The following FBXW8 variants were observed in gnomAD, a reference collection of about 807,000 sequenced individuals.
FBXW8 encodes the protein F-box/WD repeat-containing protein 8.
A neutral mutation model predicts 65.3 loss-of-function variants in FBXW8; 57 were observed. That is an observed-to-expected ratio of 0.87 (90% CI 0.71 to 1.09). The LOEUF (loss-of-function observed/expected upper bound fraction) is 1.09. FBXW8 is among the 50% of genes least tolerant of loss of function. The probability of loss-of-function intolerance (pLI) is 0.00; values close to 1 mark genes in which losing one functional copy is unlikely to be tolerated. For synonymous variants in FBXW8, 308 were observed against 330.2 expected, an observed-to-expected ratio of 0.93 and a Z score of 0.73; for missense variants, 777 against 814.8, an observed-to-expected ratio of 0.95 and a Z score of 0.57.
chr12:116,949,564 CT>C, intron 3 of FBXW8, 53 bp from the exon 4 acceptor site: 1 of 1,534,734 alleles, frequency 6.5e-7, no homozygotes, highest in Non-Finnish European at 9.0e-7. Context: ...CGATGCTTGG[CT>C]TTCGGGCTGT....
In FBXW8 at chr12:116,949,650, T is replaced by C. The variant is rs1273508037; in HGVS notation, c.621T>C (p.His207=). 6.2e-7 allele frequency: 1 copy of C among 1,614,214 alleles called. No individual in the cohort carries two copies. Among genetic ancestry groups the C allele is most frequent in the Non-Finnish European group, 8.5e-7 (1 of 1,180,040 alleles). ...AAGGTGCCGTGAGCGAGCTGGAGCA[T>C]GTTCCTGACACAGTTTTGTGTGATG... ...NRKGAVSELE[H]VPDTVLCDVH... The change falls in exon 4 of 11, where the codon CAT becomes CAC. Residue 207 remains histidine, a synonymous_variant. Coordinates refer to ENST00000652555, the MANE Select transcript of FBXW8 (RefSeq NM_153348.3).
At chr12:116,973,014 G>C (rs762161836) in intron 5 of FBXW8, among the ~76,000 whole-genome samples, 1 of 152,166 alleles carries the variant, frequency 6.6e-6, no homozygotes, top group Non-Finnish European at 1.5e-5. Flanking sequence ...AGTGCTTGAA[G>C]AATGATGACA....
intron 8 of FBXW8, among the ~76,000 whole-genome samples, chr12:117,023,191 CAG>C (rs1954141894): frequency 6.6e-6 from 1 of 152,178 alleles, no homozygotes; most frequent in African/African-American, 2.4e-5. Context: ...TAACTAGAGT[CAG>C]GGCACGGGAC....
intron 1 of FBXW8, among the ~76,000 whole-genome samples, chr12:116,919,421 G>A (rs909882907): frequency 6.6e-6 from 1 of 152,168 alleles, no homozygotes; most frequent in Non-Finnish European, 1.5e-5. Flanking sequence ...TGATGATGAT[G>A]TTAGTACCTA....
intron 6 of FBXW8, 129 bp downstream of exon 6, chr12:116,985,531 T>C (rs1885619500): frequency 2.4e-6 from 2 of 850,148 alleles, no homozygotes; most frequent in African/African-American, 1.7e-5. Context: ...TCCATAAGTC[T>C]AACTACAGCC....
intron 2 of FBXW8, among the ~76,000 whole-genome samples, chr12:116,941,465 G>T (rs1038846563): frequency 1.3e-5 from 2 of 152,226 alleles, no homozygotes; most frequent in African/African-American, 4.8e-5. Context: ...GAGGTGATGT[G>T]ACTGCTTATC....
intron 4 of FBXW8, among the ~76,000 whole-genome samples, chr12:116,957,392 C>G (rs1229013548): frequency 1.3e-5 from 2 of 152,042 alleles, no homozygotes; most frequent in African/African-American, 4.8e-5. Flanking sequence ...GTATACCATG[C>G]CAAAATATGA....
intron 2 of FBXW8, among the ~76,000 whole-genome samples, chr12:116,938,706 T>C (rs1882337643): frequency 6.6e-6 from 1 of 152,240 alleles, no homozygotes. Flanking sequence ...TTCTAGTTTG[T>C]AATCATTGAG....
intron 1 of FBXW8, among the ~76,000 whole-genome samples, chr12:116,916,810 C>T (rs554455968): frequency 6.6e-6 from 1 of 152,124 alleles, no homozygotes; most frequent in East Asian, 1.9e-4. Context: ...TTGGGCTGGG[C>T]ATGGGTGAGC....
At chr12:116,931,943 C>G (rs147672874) in intron 2 of FBXW8, among the ~76,000 whole-genome samples, 351 of 152,112 alleles carry the variant, frequency 2.3e-3, no homozygotes, top group African/African-American at 8.0e-3. Flanking sequence ...GAAAAGCTTT[C>G]AACTTTTTAC....
At chr12:117,014,189 T>C (rs917967998) in intron 8 of FBXW8, among the ~76,000 whole-genome samples, 1 of 152,240 alleles carries the variant, frequency 6.6e-6, no homozygotes, top group Non-Finnish European at 1.5e-5. Flanking sequence ...TATGGACTCT[T>C]TCCTGTGTCA....
chr12:117,028,025 T>C lies in FBXW8; in HGVS notation c.1653-3T>C. 1 of 1,614,000 alleles carries C rather than the reference T, an allele frequency of 6.2e-7. No individual in the cohort carries two copies. Among genetic ancestry groups the C allele is most frequent in the East Asian group, 2.2e-5 (1 of 44,880 alleles). ...CCTGTCACCATCTTTGTGCTCTTTC[T>C]AGACACCGGGGGCTGATCCGCGCCT... On this transcript the variant is annotated splice_polypyrimidine_tract_variant and splice_region_variant and intron_variant, in intron 10 of 10. Transcript: ENST00000652555. This position sits in a 1 kb window ranked among gnomAD's most constrained non-coding sequence, Gnocchi z 4.1.
chr12:116,914,903 T>A (rs1193001066), intron 1 of FBXW8, among the ~76,000 whole-genome samples: 1 of 152,130 alleles, frequency 6.6e-6, no homozygotes, highest in Non-Finnish European at 1.5e-5. Context: ...AACAAGACTT[T>A]GCAATCATTA....
chr12:117,003,389 CATGGTT>C (rs1006620142), intron 7 of FBXW8, among the ~76,000 whole-genome samples: 1 of 152,196 alleles, frequency 6.6e-6, no homozygotes, highest in African/African-American at 2.4e-5. Flanking sequence ...TGGCATCTTC[CATGGTT>C]ATGGTACTTT....
intron 1 of FBXW8, among the ~76,000 whole-genome samples, chr12:116,914,572 CAA>C (rs142680270): frequency 1.2e-4 from 10 of 83,784 alleles, no homozygotes; most frequent in African/African-American, 3.5e-4. Context: ...AACCCTGTCT[CAA>C]AAAAAAAAAA....
At chr12:116,968,699 T>C (rs1884473148) in intron 5 of FBXW8, among the ~76,000 whole-genome samples, 1 of 152,210 alleles carries the variant, frequency 6.6e-6, no homozygotes, top group Admixed American at 6.5e-5. Context: ...TGTGCCCGCT[T>C]CCTCACAGTT....
chr12:116,931,620 G>A (rs528875674), intron 2 of FBXW8, among the ~76,000 whole-genome samples: 1 of 152,014 alleles, frequency 6.6e-6, no homozygotes, highest in Admixed American at 6.6e-5. Context: ...TTTATTTTTG[G>A]TGTGGCTATT....
intron 4 of FBXW8, among the ~76,000 whole-genome samples, chr12:116,959,579 A>C (rs1006615359): frequency 6.6e-6 from 1 of 152,188 alleles, no homozygotes; most frequent in Non-Finnish European, 1.5e-5. Flanking sequence ...CAAAATGGAA[A>C]CGCTGCTGGA....
At chr12:116,964,634 T>A in intron 4 of FBXW8, 63 bp from the exon 5 acceptor site, 1 of 1,596,450 alleles carries the variant, frequency 6.3e-7, no homozygotes, top group Non-Finnish European at 8.6e-7. Context: ...CTCTGTGCAT[T>A]TTCCCCACCA....
Sources: allele counts gnomAD v4.1 joint callset (sites outside exome capture counted in the v4.1 genomes callset), GRCh38; gene constraint gnomAD v4.1.1; non-coding constraint Gnocchi (gnomAD v3.1); transcripts MANE v1.5; gene names NCBI Gene and HGNC (gene_info 2026-07-23, HGNC 2026-07-21).